ZNF273: variants seen among roughly 807,000 people sequenced by gnomAD.
ZNF273 encodes the protein zinc finger protein 9.
ZNF273 carries 11 observed loss-of-function variants against 14.9 expected under a neutral mutation model. That is an observed-to-expected ratio of 0.74 (90% CI 0.46 to 1.22). The LOEUF (loss-of-function observed/expected upper bound fraction) is 1.22, where lower values mean the gene tolerates loss of function less well. Ranked by LOEUF, ZNF273 falls within the 50% of genes most tolerant of loss-of-function variation. ZNF273 has a pLI of 0.00. For synonymous variants in ZNF273, 199 were observed against 223.9 expected, an observed-to-expected ratio of 0.89 and a Z score of 0.99; for missense variants, 577 against 660.6, an observed-to-expected ratio of 0.87 and a Z score of 1.39.
the ZNF273 span, among the ~76,000 whole-genome samples, chr7:64,936,196 TA>T: frequency 6.6e-6 from 1 of 152,216 alleles, no homozygotes; most frequent in Non-Finnish European, 1.5e-5. Flanking sequence ...GTCTTTCAAT[TA>T]GCAAAAGATT....
chr7:64,909,874 A>G (rs928058147), intron 1 of ZNF273, among the ~76,000 whole-genome samples: 4 of 151,050 alleles, frequency 2.6e-5, no homozygotes, highest in African/African-American at 9.8e-5. Flanking sequence ...TCTTTTTATT[A>G]ATAGCCATTC....
intron 1 of ZNF273, among the ~76,000 whole-genome samples, chr7:64,887,869 G>T (rs1257885202): frequency 6.6e-6 from 1 of 150,624 alleles, no homozygotes; most frequent in Non-Finnish European, 1.5e-5. Flanking sequence ...GGTTCCCCTT[G>T]ACCCATTTCA....
downstream of ZNF273, chr7:64,889,628 T>G: frequency 1.0e-6 from 1 of 986,046 alleles, no homozygotes. The surrounding 1 kb of genome is among the most constrained non-coding windows in gnomAD (Gnocchi z 4.2). Flanking sequence ...GCAGCGGGGC[T>G]GCTGCTGACC....
downstream of ZNF273, among the ~76,000 whole-genome samples, chr7:64,931,461 T>A (rs924743185): frequency 1.5e-4 from 23 of 152,180 alleles, no homozygotes; most frequent in African/African-American, 2.7e-4. Context: ...TTATTTTTTT[T>A]ATAAAATTTA....
At chr7:64,894,851 C>T (rs117320669), downstream of ZNF273, among the ~76,000 whole-genome samples, 2,034 of 152,068 alleles carry the variant, frequency 0.013, 22 homozygotes, top group Non-Finnish European at 0.019. Flanking sequence ...AAGATCGGGC[C>T]GGGCACGGTG....
At chr7:64,893,887 A>G (rs147486250), downstream of ZNF273, 75 of 152,988 alleles carry the variant, frequency 4.9e-4, no homozygotes, top group East Asian at 7.5e-3. Flanking sequence ...CATGTTCCAA[A>G]ATGAATAAAG....
Position 64,928,591 on chromosome 7 carries a change from G to C in ZNF273, c.1263G>C (p.Lys421Asn). Reference sequence around the variant, plus strand: ...GGTCCACAACTCTTACTAAACATAAGAGAATTTATACTAAAGAGAAACCAT... The same window carrying C: ...GGTCCACAACTCTTACTAAACATAACAGAATTTATACTAAAGAGAAACCAT... The part of the protein sequence containing the change: ...FKRSTTLTKH[K>N]RIYTKEKPYK... The change falls in exon 4 of 4, where the codon AAG becomes AAC. Residue 421 changes from lysine to asparagine, a missense_variant. This residue lies in a region of ZNF273 where 411 missense variants were observed against 440.4 expected (regional missense o/e 0.93). Transcript: ENST00000476120. The C allele has an allele frequency of 6.2e-7, 1 of 1,613,536 alleles. No homozygotes were observed. The highest frequency in any genetic ancestry group is 8.5e-7 in the Non-Finnish European group (1 of 1,179,800).
intron 1 of ZNF273, among the ~76,000 whole-genome samples, chr7:64,916,147 G>T (rs1046018160): frequency 3.2e-4 from 48 of 150,934 alleles, no homozygotes; most frequent in African/African-American, 1.2e-3. Flanking sequence ...AGTGATCAGA[G>T]ATTGCATCAC....
intron 3 of ZNF273, among the ~76,000 whole-genome samples, chr7:64,924,951 C>T (rs1969461): frequency 6.6e-6 from 1 of 151,808 alleles, no homozygotes; most frequent in African/African-American, 2.4e-5. Flanking sequence ...TACAGGCACC[C>T]GCCACCATGC....
chr7:64,919,353 A>T (rs1562962170), intron 3 of ZNF273, among the ~76,000 whole-genome samples: 1 of 152,068 alleles, frequency 6.6e-6, no homozygotes, highest in East Asian at 1.9e-4. Flanking sequence ...CATTGTAAAG[A>T]TTTTTTAGGC....
chr7:64,901,907 C>G (rs1353657737), upstream of ZNF273, among the ~76,000 whole-genome samples: 3 of 151,312 alleles, frequency 2.0e-5, no homozygotes, highest in African/African-American at 7.3e-5. Context: ...CCACATTGTG[C>G]GAGTGAAACT....
chr7:64,901,908 G>A (rs1792742684), upstream of ZNF273, among the ~76,000 whole-genome samples: 4 of 151,180 alleles, frequency 2.6e-5, no homozygotes, highest in Admixed American at 6.6e-5. Flanking sequence ...CACATTGTGC[G>A]AGTGAAACTC....
the ZNF273 span, among the ~76,000 whole-genome samples, chr7:64,936,427 CCT>C: frequency 2.0e-5 from 3 of 152,086 alleles, no homozygotes; most frequent in Non-Finnish European, 2.9e-5. Flanking sequence ...ACCAATTTCC[CCT>C]GAGTGACTCA....
intron 1 of ZNF273, among the ~76,000 whole-genome samples, chr7:64,886,457 G>A (rs1392420509): frequency 6.6e-6 from 1 of 152,212 alleles, no homozygotes; most frequent in Admixed American, 6.5e-5. Context: ...TGCACTTGGT[G>A]GAGAAAATTT....
At chr7:64,909,835 GT>G (rs553163147) in intron 1 of ZNF273, among the ~76,000 whole-genome samples, 5 of 150,222 alleles carry the variant, frequency 3.3e-5, no homozygotes, top group South Asian at 4.2e-4. Flanking sequence ...TGCAAGCATC[GT>G]TTTTTTTTGT....
chr7:64,890,321 C>CA (rs1348691360), downstream of ZNF273, among the ~76,000 whole-genome samples: 1 of 151,730 alleles, frequency 6.6e-6, no homozygotes, highest in Non-Finnish European at 1.5e-5. Flanking sequence ...AGCATGTGGA[C>CA]AGAGTCACAG....
At chr7:64,916,542 C>CAAAA (rs10712527) in intron 1 of ZNF273, among the ~76,000 whole-genome samples, 3 of 84,386 alleles carry the variant, frequency 3.6e-5, no homozygotes, top group Admixed American at 1.4e-4. Context: ...AAAACTGTCT[C>CAAAA]AAAAAAAAAA....
chr7:64,909,324 G>T (rs1049411303), intron 1 of ZNF273, among the ~76,000 whole-genome samples: 1 of 151,174 alleles, frequency 6.6e-6, no homozygotes, highest in Non-Finnish European at 1.5e-5. Flanking sequence ...ACCCAGGCTC[G>T]AGCGACTCTC....
chr7:64,927,561 T>A, intron 3 of ZNF273, 93 bp from the exon 4 acceptor site: 1 of 1,118,642 alleles, frequency 8.9e-7, no homozygotes, highest in Non-Finnish European at 1.3e-6. Flanking sequence ...ACCATCTTCC[T>A]TATGTAGTTT....
Sources: gnomAD v4.1 joint callset for allele counts (sites outside exome capture counted in the v4.1 genomes callset) on GRCh38, gnomAD v4.1.1 for gene constraint, gnomAD v4.1.1 regional missense constraint, Gnocchi (gnomAD v3.1) non-coding constraint, MANE v1.5 for transcripts, NCBI Gene and HGNC (gene_info 2026-07-23, HGNC 2026-07-21) for gene names.